DAB2IP: variants seen among roughly 807,000 people sequenced by gnomAD.
DAB2IP encodes the protein disabled homolog 2-interacting protein.
A neutral mutation model predicts 107.2 loss-of-function variants in DAB2IP; 28 were observed. That is an observed-to-expected ratio of 0.26 (90% CI 0.19 to 0.36). The LOEUF (loss-of-function observed/expected upper bound fraction) is 0.36. Among genes scored for constraint, DAB2IP ranks in the 10% least tolerant of loss-of-function variants. DAB2IP has a pLI of 1.00. For synonymous variants in DAB2IP, 755 were observed against 706.4 expected, an observed-to-expected ratio of 1.07 and a Z score of -1.09; for missense variants, 1,400 against 1,644.7, an observed-to-expected ratio of 0.85 and a Z score of 2.57.
chr9:121,654,657 C>A (rs1381665673), intron 1 of DAB2IP, among the ~76,000 whole-genome samples: 1 of 152,158 alleles, frequency 6.6e-6, no homozygotes, highest in African/African-American at 2.4e-5. Context: ...GGGCCCCACC[C>A]AGGGAGAAAC....
At position 121,699,911 on chromosome 9, in the gene DAB2IP, G is replaced by A. The variant is rs145496553; in HGVS notation, c.362+453G>A. Among the ~76,000 whole-genome samples, 314 of 152,344 alleles carry A rather than the reference G, an allele frequency of 2.1e-3. 1 individual carries two copies. Among genetic ancestry groups the A allele is most frequent in the African/African-American group, 7.1e-3 (295 of 41,594 alleles). The stretch of plus-strand genomic sequence containing the variant: ...GTTTGGCCGAGACCGGGCGCTGCCC[G>A]TGGTGAGGGGAAGGGTGAACATCTG... On this transcript the variant is annotated intron_variant, in intron 3 of 15. Transcript: ENST00000408936. The surrounding 1 kb of genome is among the most constrained non-coding windows in gnomAD (Gnocchi z 6.2).
At chr9:121,767,032 CTTAACATTCA>C (rs1425904235) in intron 9 of DAB2IP, among the ~76,000 whole-genome samples, 4 of 152,156 alleles carry the variant, frequency 2.6e-5, no homozygotes, top group African/African-American at 9.7e-5. Context: ...TCACATATCC[CTTAACATTCA>C]TTAAGCCCTG....
rs973025808 is a variant in DAB2IP at position 121,581,961 on chromosome 9, A to G, written c.40+14733A>G. ...AGGAAACGCCACCAGCAGCGGGTGC[A>G]GGGCTGAGGGCCAAGCTGCCGGCTG... On this transcript the variant is annotated intron_variant, in intron 1 of 16. Coordinates refer to the DAB2IP transcript ENST00000259371. 8.5e-5 allele frequency among the ~76,000 whole-genome samples: 13 copies of G among 152,336 alleles called. 1 individual carries two copies. Among genetic ancestry groups the G allele is most frequent in the Admixed American group, 5.2e-4 (8 of 15,300 alleles).
chr9:121,681,233 G>A (rs1208872405), intron 2 of DAB2IP, among the ~76,000 whole-genome samples: 1 of 152,144 alleles, frequency 6.6e-6, no homozygotes, highest in African/African-American at 2.4e-5. Flanking sequence ...CCCATCCTCA[G>A]GCTAGGAGGC....
chr9:121,652,833 T>C (rs537297825), intron 1 of DAB2IP, among the ~76,000 whole-genome samples: 18 of 152,284 alleles, frequency 1.2e-4, no homozygotes, highest in African/African-American at 4.1e-4. Flanking sequence ...TGGGCTGAGC[T>C]GCCTCTGAAC....
At chr9:121,661,237 G>A (rs1054881268) in intron 1 of DAB2IP, among the ~76,000 whole-genome samples, 1 of 152,160 alleles carries the variant, frequency 6.6e-6, no homozygotes, top group African/African-American at 2.4e-5. Context: ...AGCCTGCAGG[G>A]GATCGATTAT....
intron 1 of DAB2IP, among the ~76,000 whole-genome samples, chr9:121,653,046 C>G (rs1442374347): frequency 6.6e-6 from 1 of 152,094 alleles, no homozygotes; most frequent in East Asian, 1.9e-4. Context: ...GCTGGTAGTT[C>G]AGTCCTCAAG....
At chr9:121,667,864 A>G (rs1261182607) in intron 1 of DAB2IP, among the ~76,000 whole-genome samples, 5 of 152,174 alleles carry the variant, frequency 3.3e-5, no homozygotes, top group African/African-American at 1.2e-4. Flanking sequence ...AGACATACCC[A>G]AGACTGGGAA....
chr9:121,604,624 C>G (rs12551571), intron 1 of DAB2IP, among the ~76,000 whole-genome samples: 1 of 152,026 alleles, frequency 6.6e-6, no homozygotes, highest in African/African-American at 2.4e-5. Flanking sequence ...TCTTCCTGCC[C>G]CTCTGGGTGT....
At chr9:121,783,556 CCGCTTGCT>C (rs1474521948) in exon 16 of DAB2IP, 1 of 1,614,064 alleles carries the variant, frequency 6.2e-7, no homozygotes, top group Non-Finnish European at 8.5e-7. Context: ...AAACAAAAGC[CCGCTTGCT>C]CGCTTGCTGG....
intron 1 of DAB2IP, among the ~76,000 whole-genome samples, chr9:121,628,070 A>T (rs1366280879): frequency 6.6e-6 from 1 of 152,216 alleles, no homozygotes; most frequent in Non-Finnish European, 1.5e-5. Context: ...CACTGCTGTT[A>T]TTCCTGCCAT....
rs902314375 is a variant in DAB2IP at position 121,581,804 on chromosome 9, A to G, written c.40+14576A>G. Among the ~76,000 whole-genome samples the G allele has an allele frequency of 2.0e-5, 3 of 152,186 alleles. No homozygotes were observed. In the South Asian group the frequency reaches 6.2e-4, roughly 31 times the overall value. On this transcript the variant is annotated intron_variant, in intron 1 of 16. Transcript: ENST00000259371. ...AGTCCCAGTAAAGTAGGCAGGAACC[A>G]TGGGAGAGATTCGAGCAGAGGAGGG...
intron 1 of DAB2IP, among the ~76,000 whole-genome samples, chr9:121,666,867 AACACACACACACACACACACAC>A (rs59290421): frequency 1.9e-4 from 25 of 128,588 alleles, no homozygotes; most frequent in Non-Finnish European, 9.7e-5. Context: ...CCCCAGCCCC[AACACACACACACACACACACAC>A]ACACACACAC....
intron 2 of DAB2IP, among the ~76,000 whole-genome samples, chr9:121,679,224 A>G (rs2119137541): frequency 6.6e-6 from 1 of 152,292 alleles, no homozygotes; most frequent in Non-Finnish European, 1.5e-5. Context: ...ACATAAAATA[A>G]TGCTATATAT....
At chr9:121,713,691 G>A (rs1830448300) in intron 3 of DAB2IP, among the ~76,000 whole-genome samples, 1 of 152,162 alleles carries the variant, frequency 6.6e-6, no homozygotes, top group South Asian at 2.1e-4. Context: ...GGGAGCCTGG[G>A]GTGAATTTGT....
chr9:121,571,986 C>T (rs1274935055), intron 1 of DAB2IP, among the ~76,000 whole-genome samples: 1 of 124,522 alleles, frequency 8.0e-6, no homozygotes, highest in Non-Finnish European at 1.8e-5. Context: ...GGGGTGACGG[C>T]CAGACAAGAT....
intron 3 of DAB2IP, among the ~76,000 whole-genome samples, chr9:121,744,028 G>A (rs566043004): frequency 3.3e-5 from 5 of 152,306 alleles, no homozygotes; most frequent in South Asian, 4.1e-4. Context: ...CCCCAGGCGC[G>A]GTGTCCCCTG....
intron 1 of DAB2IP, among the ~76,000 whole-genome samples, chr9:121,587,072 C>T (rs1356380748): frequency 6.6e-6 from 1 of 152,126 alleles, no homozygotes; most frequent in Non-Finnish European, 1.5e-5. Context: ...GTCTCTTGTC[C>T]CCTCAGTAAC....
In DAB2IP at chr9:121,573,491, T is replaced by C. The variant is rs547653127; in HGVS notation, c.40+6263T>C. ...CCTCCACCTCCTGGGTTCAAGCAAT[T>C]CTCCTGCCTCAGCCTCCTGAGTAGC... On this transcript the variant is annotated intron_variant, in intron 1 of 16. Coordinates refer to the DAB2IP transcript ENST00000259371. Among the ~76,000 whole-genome samples, 12 of 152,126 alleles carry C rather than the reference T, an allele frequency of 7.9e-5. No individual in the cohort carries two copies. In the East Asian group the frequency reaches 1.9e-3, roughly 24 times the overall value.
Sources: gnomAD v4.1 joint callset for allele counts (sites outside exome capture counted in the v4.1 genomes callset) on GRCh38, gnomAD v4.1.1 for gene constraint, Gnocchi (gnomAD v3.1) non-coding constraint, MANE v1.5 for transcripts, NCBI Gene and HGNC (gene_info 2026-07-23, HGNC 2026-07-21) for gene names.